Variants in CARMIL1 observed in about 807,000 individuals in gnomAD.
The protein encoded by CARMIL1 is F-actin-uncapping protein LRRC16A.
Under a neutral mutation model 177.1 loss-of-function variants are expected in CARMIL1, and 90 were observed. That is an observed-to-expected ratio of 0.51 (90% CI 0.43 to 0.61). The LOEUF (loss-of-function observed/expected upper bound fraction) is 0.61. CARMIL1 is among the 20% of genes least tolerant of loss of function. The pLI, the probability that CARMIL1 is intolerant of heterozygous loss-of-function variation, is 0.00. For missense variants in CARMIL1, 1,380 were observed against 1,667.0 expected (o/e 0.83, Z 3.00); for synonymous variants, 577 against 606.2 (o/e 0.95, Z 0.71).
intron 26 of CARMIL1, among the ~76,000 whole-genome samples, chr6:25,543,018 G>A (rs921939955): frequency 2.0e-5 from 3 of 152,092 alleles, no homozygotes; most frequent in Non-Finnish European, 4.4e-5. Flanking sequence ...AGCTAAAGTC[G>A]ATGGATTATC....
chr6:25,611,996 C>A (rs1582527598), intron 36 of CARMIL1, among the ~76,000 whole-genome samples: 1 of 152,240 alleles, frequency 6.6e-6, no homozygotes, highest in Non-Finnish European at 1.5e-5. Flanking sequence ...TCATCCTTCT[C>A]CCTCCCCAAG....
intron 2 of CARMIL1, among the ~76,000 whole-genome samples, chr6:25,303,374 C>G (rs1254770379): frequency 6.6e-6 from 1 of 152,164 alleles, no homozygotes; most frequent in African/African-American, 2.4e-5. Context: ...AGATCAGAAG[C>G]CTTGTGTGGC....
chr6:25,338,938 G>A (rs566402677), intron 2 of CARMIL1, among the ~76,000 whole-genome samples: 4 of 129,106 alleles, frequency 3.1e-5, no homozygotes, highest in African/African-American at 1.2e-4. Flanking sequence ...CTGCCAGCAT[G>A]AATCCTCCTA....
chr6:25,469,879 A>G (rs928361718), intron 9 of CARMIL1, among the ~76,000 whole-genome samples: 4 of 152,196 alleles, frequency 2.6e-5, no homozygotes, highest in African/African-American at 7.2e-5. Context: ...TATAAGTAAT[A>G]TTAAGGTCAA....
intron 23 of CARMIL1, among the ~76,000 whole-genome samples, chr6:25,528,004 C>G (rs1244914491): frequency 2.0e-5 from 3 of 152,118 alleles, no homozygotes; most frequent in African/African-American, 7.2e-5. Context: ...TCAGATTATT[C>G]CTTTAATAAC....
At chr6:25,525,793 C>A (rs1215788171) in intron 23 of CARMIL1, among the ~76,000 whole-genome samples, 3 of 151,932 alleles carry the variant, frequency 2.0e-5, no homozygotes, top group African/African-American at 7.3e-5. Flanking sequence ...AAGACAAACA[C>A]TAAAAACTTT....
chr6:25,290,490 G>A (rs547772454), intron 2 of CARMIL1, among the ~76,000 whole-genome samples: 4 of 151,310 alleles, frequency 2.6e-5, no homozygotes, highest in Non-Finnish European at 4.4e-5. Flanking sequence ...TGGGGGAGAG[G>A]AATGTGGCAC....
chr6:25,483,870 C>T (rs1035549223), intron 12 of CARMIL1, among the ~76,000 whole-genome samples: 2 of 151,934 alleles, frequency 1.3e-5, no homozygotes, highest in Non-Finnish European at 2.9e-5. Flanking sequence ...TGGGCTCAAG[C>T]GATCCTCCCG....
At chr6:25,289,729 C>T (rs2150139724) in intron 2 of CARMIL1, among the ~76,000 whole-genome samples, 1 of 152,328 alleles carries the variant, frequency 6.6e-6, no homozygotes, top group South Asian at 2.1e-4. Flanking sequence ...TGTTCTTGCT[C>T]AGCATAATTC....
chr6:25,432,274 A>G (rs917154400), intron 4 of CARMIL1, among the ~76,000 whole-genome samples: 2 of 152,174 alleles, frequency 1.3e-5, no homozygotes, highest in Non-Finnish European at 2.9e-5. Context: ...GGCACTCAGA[A>G]TCTAGCCTTG....
intron 2 of CARMIL1, among the ~76,000 whole-genome samples, chr6:25,410,618 C>G (rs1794819204): frequency 6.6e-6 from 1 of 152,054 alleles, no homozygotes; most frequent in Non-Finnish European, 1.5e-5. Flanking sequence ...GACTTTTGCG[C>G]CCTAGGCTTT....
chr6:25,583,174 T>C (rs78804334), intron 31 of CARMIL1, among the ~76,000 whole-genome samples: 2,965 of 152,224 alleles, frequency 0.019, 83 homozygotes, highest in African/African-American at 0.061. Context: ...TACTAAGTGC[T>C]CCCAGGTTAT....
intron 2 of CARMIL1, among the ~76,000 whole-genome samples, chr6:25,339,615 T>C (rs1786689019): frequency 6.6e-6 from 1 of 152,228 alleles, no homozygotes; most frequent in Non-Finnish European, 1.5e-5. Flanking sequence ...TGTGGTCTTT[T>C]TGGCTGTGCT....
intron 5 of CARMIL1, 86 bp downstream of exon 5, chr6:25,435,690 T>C: frequency 7.3e-7 from 1 of 1,377,390 alleles, no homozygotes; most frequent in Non-Finnish European, 9.6e-7. Context: ...TTTTTACCCC[T>C]TCACTTAGTT....
chr6:25,383,432 G>C (rs141729168), intron 2 of CARMIL1, among the ~76,000 whole-genome samples: 260 of 152,188 alleles, frequency 1.7e-3, no homozygotes, highest in Non-Finnish European at 2.5e-3. Flanking sequence ...TGTCCTTCTG[G>C]TGACATTAAT....
At chr6:25,341,744 C>T (rs938574872) in intron 2 of CARMIL1, among the ~76,000 whole-genome samples, 1 of 152,182 alleles carries the variant, frequency 6.6e-6, no homozygotes, top group Non-Finnish European at 1.5e-5. Context: ...ACAGAAAACT[C>T]AGAATGTCAA....
At chr6:25,578,817 C>G (rs1812845828) in intron 29 of CARMIL1, among the ~76,000 whole-genome samples, 2 of 152,056 alleles carry the variant, frequency 1.3e-5, no homozygotes, top group Admixed American at 1.3e-4. Flanking sequence ...TTGTAAAAAG[C>G]ACACAAAATA....
chr6:25,500,367 T>C, intron 17 of CARMIL1, 132 bp downstream of exon 17: 1 of 741,334 alleles, frequency 1.3e-6, no homozygotes, highest in East Asian at 2.7e-5. Flanking sequence ...TACAAGTTTC[T>C]AATGTTCTGT....
intron 35 of CARMIL1, among the ~76,000 whole-genome samples, chr6:25,609,241 T>C (rs1253497376): frequency 6.6e-6 from 1 of 151,670 alleles, no homozygotes; most frequent in Non-Finnish European, 1.5e-5. Context: ...CTGAGGCGGG[T>C]GGATCACGAG....
Sources: gnomAD v4.1 joint callset for allele counts (sites outside exome capture counted in the v4.1 genomes callset) on GRCh38, gnomAD v4.1.1 for gene constraint, MANE v1.5 for transcripts, NCBI Gene and HGNC (gene_info 2026-07-23, HGNC 2026-07-21) for gene names.